LRP6: variants seen among roughly 807,000 people sequenced by gnomAD.
LRP6 encodes the protein low-density lipoprotein receptor-related protein 6.
LRP6 carries 43 observed loss-of-function variants against 184.1 expected under a neutral mutation model. The observed-to-expected ratio is 0.23, with a 90% confidence interval of 0.18 to 0.30. The LOEUF (loss-of-function observed/expected upper bound fraction) is 0.30, where lower values mean the gene tolerates loss of function less well. Among genes scored for constraint, LRP6 ranks in the 10% least tolerant of loss-of-function variants. The pLI, the probability that LRP6 is intolerant of heterozygous loss-of-function variation, is 1.00. For missense variants in LRP6, 1,571 were observed against 2,005.3 expected (o/e 0.78, Z 4.14); for synonymous variants, 719 against 684.9 (o/e 1.05, Z -0.78).
intron 9 of LRP6, among the ~76,000 whole-genome samples, chr12:12,162,792 G>A (rs1011912438): frequency 6.6e-6 from 1 of 152,148 alleles, no homozygotes; most frequent in African/African-American, 2.4e-5. Flanking sequence ...ATTATGGCAA[G>A]TCATCATGCC....
intron 7 of LRP6, among the ~76,000 whole-genome samples, chr12:12,166,838 C>T (rs1432624751): frequency 3.3e-5 from 5 of 152,164 alleles, no homozygotes; most frequent in Admixed American, 2.6e-4. Context: ...TGGCTCATGC[C>T]TATAATCCCA....
intron 12 of LRP6, chr12:12,155,780 T>TA (rs34572341): frequency 5.5e-5 from 48 of 865,588 alleles, no homozygotes; most frequent in Admixed American, 2.5e-4. Flanking sequence ...TAATAGGTGT[T>TA]AAAAAAATAA....
chr12:12,234,863 C>A (rs770182566), intron 2 of LRP6, among the ~76,000 whole-genome samples: 1 of 148,892 alleles, frequency 6.7e-6, no homozygotes, highest in East Asian at 1.9e-4. Context: ...ATTCTGAGAA[C>A]GGAGATATAA....
chr12:12,164,288 A>C lies in LRP6; in HGVS notation c.2037T>G (p.Thr679=). 6.2e-7 allele frequency: 1 copy of C among 1,614,030 alleles called. No homozygotes were observed. Among genetic ancestry groups the C allele is most frequent in the Non-Finnish European group, 8.5e-7 (1 of 1,180,004 alleles). The change falls in exon 9 of 23, where the codon ACT becomes ACG. Residue 679 remains threonine (T), a synonymous_variant. Coordinates refer to ENST00000261349, the MANE Select transcript of LRP6 (RefSeq NM_002336.3). The part of the protein sequence containing the change: ...FDVTDNRIYW[T]DISLKTISRA... ...TTTTGCTAACCTTGAGTGATATATC[A>C]GTCCAATAAATTCGGTTGTCTGTCA...
intron 2 of LRP6, among the ~76,000 whole-genome samples, chr12:12,203,848 T>A (rs1863979867): frequency 6.6e-6 from 1 of 152,198 alleles, no homozygotes; most frequent in South Asian, 2.1e-4. Context: ...TATTTTGAAA[T>A]TCTAATATCT....
intron 1 of LRP6, among the ~76,000 whole-genome samples, chr12:12,258,569 C>T (rs1248763044): frequency 1.3e-5 from 2 of 152,176 alleles, no homozygotes; most frequent in Non-Finnish European, 2.9e-5. Flanking sequence ...ACCTCTGGTA[C>T]ATGGTGCATA....
chr12:12,247,372 A>G (rs1184969786), intron 1 of LRP6, among the ~76,000 whole-genome samples: 2 of 152,244 alleles, frequency 1.3e-5, no homozygotes, highest in Non-Finnish European at 2.9e-5. Flanking sequence ...ATTGCTTTCA[A>G]GTCAAACTTT....
chr12:12,240,778 A>G (rs1408625244), intron 2 of LRP6, among the ~76,000 whole-genome samples: 1 of 152,154 alleles, frequency 6.6e-6, no homozygotes, highest in Admixed American at 6.5e-5. Context: ...CATCACCAAG[A>G]TTAGTACGGT....
chr12:12,213,050 G>T (rs1250236630), intron 2 of LRP6, among the ~76,000 whole-genome samples: 2 of 152,184 alleles, frequency 1.3e-5, no homozygotes, highest in East Asian at 3.8e-4. Flanking sequence ...CTAATGGGAA[G>T]AAACTGGTTT....
chr12:12,191,551 T>C (rs963065111), intron 3 of LRP6, among the ~76,000 whole-genome samples: 2 of 152,110 alleles, frequency 1.3e-5, no homozygotes, highest in African/African-American at 4.8e-5. Context: ...AATAAGTTAA[T>C]ATTAAAAATA....
intron 2 of LRP6, among the ~76,000 whole-genome samples, chr12:12,218,268 T>C (rs1392118674): frequency 1.3e-5 from 2 of 151,458 alleles, no homozygotes; most frequent in Non-Finnish European, 2.9e-5. Context: ...AGTCCAGGAG[T>C]TCAAGACCAG....
intron 3 of LRP6, among the ~76,000 whole-genome samples, chr12:12,198,158 C>G (rs1591937729): frequency 6.6e-6 from 1 of 152,200 alleles, no homozygotes; most frequent in East Asian, 1.9e-4. Context: ...TTCAGGCGAT[C>G]CACCCACCTT....
At chr12:12,199,959 C>A in intron 3 of LRP6, among the ~76,000 whole-genome samples, 1 of 100,202 alleles carries the variant, frequency 1.0e-5, no homozygotes, top group Non-Finnish European at 1.9e-5. Context: ...AGCGAGACTC[C>A]ATCTCAAAAA....
At chr12:12,234,717 GCTA>G (rs141846754) in intron 2 of LRP6, among the ~76,000 whole-genome samples, 6,250 of 151,928 alleles carry the variant, frequency 0.041, 175 homozygotes, top group Middle Eastern at 0.15. Flanking sequence ...TGTTAATCCA[GCTA>G]CTCAGGAGGC....
intron 2 of LRP6, among the ~76,000 whole-genome samples, chr12:12,208,889 C>G (rs902297899): frequency 3.9e-5 from 6 of 152,166 alleles, no homozygotes; most frequent in African/African-American, 1.4e-4. Flanking sequence ...CTTTAATACA[C>G]AAATCAATTG....
rs376774552 is a variant in LRP6 at position 12,203,278 on chromosome 12, T to C, written c.572A>G (p.Tyr191Cys). The C allele has an allele frequency of 1.2e-5, 19 of 1,613,844 alleles. No homozygotes were observed. The highest frequency in any genetic ancestry group is 1.5e-5 in the Non-Finnish European group (18 of 1,179,932). Residue 191 changes from tyrosine (Y) to cysteine (C), a missense_variant, in exon 3 of 23, where the codon TAT (tyrosine) becomes TGT (cysteine). By Grantham distance (194) the Tyr-to-Cys change is radical. Around this residue, in one of 4 missense-constraint regions of LRP6, gnomAD observed 640 missense variants for 851.9 expected, o/e 0.75. Transcript: ENST00000261349. ...TGCCCAATAAAGCTTTTGTTCTTCA[T>C]AATCCAAAGTCAGTCCATTTGGCCA... is the stretch of plus-strand genomic sequence containing the variant. ...IYWPNGLTLD[Y>C]EEQKLYWADA...
rs545114229 is a variant in LRP6 at position 12,129,096 on chromosome 12, G to A, written c.4081+1687C>T. Among the ~76,000 whole-genome samples the A allele has an allele frequency of 5.9e-5, 9 of 152,266 alleles. No homozygotes were observed. The East Asian group carries it at 1.5e-3, about 26-fold the overall frequency. ...GTCAGAAAGTGTTCTATATAACATG[G>A]GTAAATATTTAAGTGTTGTGTGACA... On this transcript the variant is annotated intron_variant, in intron 19 of 22. Transcript: ENST00000261349.
intron 2 of LRP6, among the ~76,000 whole-genome samples, chr12:12,225,389 C>T (rs886320764): frequency 7.2e-5 from 11 of 152,236 alleles, no homozygotes; most frequent in African/African-American, 2.2e-4. Flanking sequence ...AAGGTGATAA[C>T]AAAGGATCAT....
chr12:12,125,603 C>T (rs949726608), intron 20 of LRP6, among the ~76,000 whole-genome samples, 171 bp from the exon 21 acceptor site: 1 of 152,090 alleles, frequency 6.6e-6, no homozygotes, highest in Non-Finnish European at 1.5e-5. Context: ...AGGAAATGAA[C>T]GTTTTCTAGA....
Sources: allele counts gnomAD v4.1 joint callset (sites outside exome capture counted in the v4.1 genomes callset), GRCh38; gene constraint gnomAD v4.1.1; regional missense constraint gnomAD v4.1.1; transcripts MANE v1.5; gene names NCBI Gene and HGNC (gene_info 2026-07-23, HGNC 2026-07-21).